RBFOX1: variants seen among roughly 807,000 people sequenced by gnomAD.
The protein encoded by RBFOX1 is RNA binding protein fox-1 homolog 1.
A neutral mutation model predicts 57.7 loss-of-function variants in RBFOX1; 8 were observed. The ratio of observed to expected loss-of-function variants is 0.14; its 90% CI spans 0.08 to 0.25. The LOEUF (loss-of-function observed/expected upper bound fraction) is 0.25. RBFOX1 is among the 10% of genes least tolerant of loss of function. RBFOX1 has a pLI of 1.00. For missense variants in RBFOX1, 611 were observed against 548.5 expected (o/e 1.11, Z -1.14); for synonymous variants, 326 against 222.4 (o/e 1.47, Z -4.15).
chr16:6,816,619 A>T (rs2090128842), intron 3 of RBFOX1, among the ~76,000 whole-genome samples: 1 of 151,458 alleles, frequency 6.6e-6, no homozygotes, highest in Non-Finnish European at 1.5e-5. Context: ...GGGCACCTGT[A>T]GTCCCAGCTG....
At chr16:6,370,307 G>C (rs1329055074) in intron 2 of RBFOX1, among the ~76,000 whole-genome samples, 1 of 132,958 alleles carries the variant, frequency 7.5e-6, no homozygotes, top group Non-Finnish European at 1.6e-5. Context: ...GCAGTGAGCC[G>C]AGATCATGCC....
intron 2 of RBFOX1, among the ~76,000 whole-genome samples, chr16:6,509,037 A>G (rs1368086345): frequency 6.6e-6 from 1 of 152,154 alleles, no homozygotes; most frequent in African/African-American, 2.4e-5. Flanking sequence ...ATGGCACCAT[A>G]CATTTGGATG....
chr16:5,900,866 C>T (rs1024590985), intron 4 of RBFOX1, among the ~76,000 whole-genome samples: 1 of 152,128 alleles, frequency 6.6e-6, no homozygotes, highest in Non-Finnish European at 1.5e-5. Context: ...AGCCCCTATT[C>T]CAAAAAACCA....
chr16:6,848,517 A>T (rs2093889091), intron 3 of RBFOX1, among the ~76,000 whole-genome samples: 1 of 152,114 alleles, frequency 6.6e-6, no homozygotes, highest in Non-Finnish European at 1.5e-5. Context: ...ATTATTGGTC[A>T]AATCTAAATA....
At chr16:6,929,811 C>T (rs557963875) in intron 3 of RBFOX1, among the ~76,000 whole-genome samples, 3 of 152,198 alleles carry the variant, frequency 2.0e-5, no homozygotes, top group Non-Finnish European at 2.9e-5. Flanking sequence ...AGAAGTTGCT[C>T]ATGCTGTTTT....
intron 1 of RBFOX1, among the ~76,000 whole-genome samples, chr16:6,104,116 G>C (rs1349612615): frequency 6.7e-6 from 1 of 148,742 alleles, no homozygotes; most frequent in Non-Finnish European, 1.5e-5. Flanking sequence ...GGACATCATA[G>C]GTTTCTCCCA....
At chr16:5,988,479 T>G (rs1282379627) in intron 4 of RBFOX1, among the ~76,000 whole-genome samples, 1 of 152,170 alleles carries the variant, frequency 6.6e-6, no homozygotes, top group Admixed American at 6.5e-5. Flanking sequence ...CTGTCTTAGG[T>G]CTGGTTACCA....
chr16:5,872,232 CT>C (rs2151905054), intron 4 of RBFOX1, among the ~76,000 whole-genome samples: 1 of 152,278 alleles, frequency 6.6e-6, no homozygotes, highest in African/African-American at 2.4e-5. Flanking sequence ...TAACAAGGGT[CT>C]GTTGAGCTGT....
chr16:5,533,544 C>G (rs1361710488), intron 2 of RBFOX1, among the ~76,000 whole-genome samples: 1 of 152,180 alleles, frequency 6.6e-6, no homozygotes, highest in Non-Finnish European at 1.5e-5. Flanking sequence ...TCTGAGCAGA[C>G]TCCGTGACAA....
chr16:5,241,275 G>A (rs567422846), intron 1 of RBFOX1, among the ~76,000 whole-genome samples: 20 of 152,316 alleles, frequency 1.3e-4, no homozygotes, highest in East Asian at 3.9e-4. Flanking sequence ...CCTGGACACC[G>A]AACTCAGGTG....
intron 1 of RBFOX1, among the ~76,000 whole-genome samples, chr16:6,052,831 A>AATAATAATAATAATG (rs1555488814): frequency 1.3e-5 from 2 of 149,000 alleles, no homozygotes; most frequent in African/African-American, 2.5e-5. Context: ...TAATAATAAT[A>AATAATAATAATAATG]ATAATATTAA....
intron 1 of RBFOX1, among the ~76,000 whole-genome samples, chr16:5,423,709 T>C (rs150801295): frequency 6.6e-5 from 10 of 152,338 alleles, no homozygotes; most frequent in East Asian, 3.9e-4. Context: ...CCCCCTTCCA[T>C]TGACGATTGT....
At chr16:7,561,108 A>G (rs1024072751) in intron 5 of RBFOX1, among the ~76,000 whole-genome samples, 1 of 152,204 alleles carries the variant, frequency 6.6e-6, no homozygotes, top group African/African-American at 2.4e-5. Flanking sequence ...TTAAAATGGT[A>G]GCTGAGTTGA....
At chr16:6,183,210 ATGGCC>A (rs1567630099) in intron 1 of RBFOX1, among the ~76,000 whole-genome samples, 1 of 151,952 alleles carries the variant, frequency 6.6e-6, no homozygotes, top group East Asian at 1.9e-4. Context: ...GCTGGGTTCA[ATGGCC>A]TACACCTGTA....
At position 7,324,446 on chromosome 16, in the gene RBFOX1, C is replaced by T. The variant is rs140468894; in HGVS notation, c.28-193701C>T. ...CCAGCGGAGTAGCTGCATCCTCCCC[C>T]CTTCTGAGAGGCCTCAGGGGGTATT... On this transcript the variant is annotated intron_variant, in intron 4 of 15. Transcript: ENST00000550418. Among the ~76,000 whole-genome samples, 231 of 152,238 alleles carry T rather than the reference C, an allele frequency of 1.5e-3. 1 individual carries two copies. Among genetic ancestry groups the T allele is most frequent in the Non-Finnish European group, 2.3e-3 (154 of 68,020 alleles).
rs550693443 is a variant in RBFOX1 at position 5,659,299 on chromosome 16, A to G, written c.318+60338A>G. 6.5e-4 allele frequency among the ~76,000 whole-genome samples: 92 copies of G among 141,956 alleles called. 2 individuals are homozygous for G. The South Asian group carries it at 0.013, about 20-fold the overall frequency. The allele number at this position is 141,956 out of a possible 152,430, so 93.1% of individuals were successfully genotyped here. On this transcript the variant is annotated intron_variant, in intron 3 of 19. Transcript: ENST00000641259. ...TTTCTTATGTTTGTTGGCCATTGGT[A>G]TATCTTTTTTTTTTTTTTTTTTGAG...
intron 4 of RBFOX1, among the ~76,000 whole-genome samples, chr16:7,122,192 G>C (rs918519690): frequency 6.6e-6 from 1 of 152,024 alleles, no homozygotes; most frequent in Non-Finnish European, 1.5e-5. Flanking sequence ...ATATGTGAAG[G>C]TCTCTATTAA....
intron 1 of RBFOX1, among the ~76,000 whole-genome samples, chr16:6,183,517 A>AAT (rs2152795849): frequency 1.3e-5 from 2 of 150,900 alleles, no homozygotes; most frequent in East Asian, 3.9e-4. Flanking sequence ...TAAATAAATA[A>AAT]ATAAATAAAT....
chr16:7,421,963 C>G (rs184381652), intron 4 of RBFOX1, among the ~76,000 whole-genome samples: 3 of 152,166 alleles, frequency 2.0e-5, no homozygotes, highest in Non-Finnish European at 4.4e-5. Context: ...AAAGCCATAT[C>G]TGTTCCATAT....
Sources: gnomAD v4.1 joint callset for allele counts (sites outside exome capture counted in the v4.1 genomes callset) on GRCh38, gnomAD v4.1.1 for gene constraint, MANE v1.5 for transcripts, NCBI Gene and HGNC (gene_info 2026-07-23, HGNC 2026-07-21) for gene names.